Variants in CDC42BPA observed in about 807,000 individuals in gnomAD.
The protein encoded by CDC42BPA is CDC42 binding protein kinase alpha, also known as serine/threonine-protein kinase MRCK alpha.
CDC42BPA carries 80 observed loss-of-function variants against 223.5 expected under a neutral mutation model. The ratio of observed to expected loss-of-function variants is 0.36; its 90% CI spans 0.30 to 0.43. The LOEUF is 0.43. CDC42BPA is among the 20% of genes least tolerant of loss of function. The probability of loss-of-function intolerance (pLI) is 1.00; values close to 1 mark genes in which losing one functional copy is unlikely to be tolerated. For missense variants in CDC42BPA, 1,743 were observed against 2,099.9 expected (o/e 0.83, Z 3.32); for synonymous variants, 694 against 718.6 (o/e 0.97, Z 0.55).
At chr1:227,312,810 G>A (rs894199857) in intron 1 of CDC42BPA, among the ~76,000 whole-genome samples, 1 of 152,096 alleles carries the variant, frequency 6.6e-6, no homozygotes, top group Non-Finnish European at 1.5e-5. Flanking sequence ...GTGATAGTGA[G>A]TGAGTTCTCA....
intron 10 of CDC42BPA, among the ~76,000 whole-genome samples, chr1:227,136,048 T>C (rs1350498745): frequency 2.7e-5 from 4 of 149,116 alleles, no homozygotes; most frequent in Non-Finnish European, 5.9e-5. Flanking sequence ...CAGAAAAGCA[T>C]GACAAATGAA....
intron 16 of CDC42BPA, among the ~76,000 whole-genome samples, chr1:227,088,292 C>A (rs1473649035): frequency 6.6e-6 from 1 of 152,160 alleles, no homozygotes; most frequent in East Asian, 1.9e-4. Flanking sequence ...AGATGACCTG[C>A]ACATAGTAAA....
At position 227,160,634 on chromosome 1, in the gene CDC42BPA, T is replaced by C; in HGVS notation, c.602A>G (p.Asp201Gly). 6.6e-7 allele frequency: 1 copy of C among 1,512,640 alleles called. No homozygotes were observed. Among genetic ancestry groups the C allele is most frequent in the Non-Finnish European group, 9.0e-7 (1 of 1,107,020 alleles). 93.7% of individuals were successfully genotyped at this position (1,512,640 alleles called of 1,614,324 possible). A position where few individuals can be genotyped will look rare whatever the true frequency, so the allele number is the denominator to read the frequency against. ...SVHQLHYVHR[D>G]IKPDNILMDM... ...CATCAGTATATTGTCAGGTTTAATG[T>C]CTCTGAAAAAATAAATAAATTCAAT... is the stretch of plus-strand genomic sequence containing the variant. The change falls in exon 6 of 37, where the codon GAC becomes GGC. Residue 201 changes from aspartate (D) to glycine (G), a missense_variant and splice_region_variant. This residue lies in a region of CDC42BPA where 321 missense variants were observed against 488.7 expected (regional missense o/e 0.66). Coordinates refer to ENST00000366766, the MANE Select transcript of CDC42BPA (RefSeq NM_001394014.1).
intron 1 of CDC42BPA, among the ~76,000 whole-genome samples, chr1:227,279,708 T>C (rs1466973738): frequency 2.0e-5 from 3 of 152,168 alleles, no homozygotes; most frequent in Non-Finnish European, 4.4e-5. Context: ...TTTGTGGAGA[T>C]ACAGTTTTTT....
chr1:227,195,990 T>TG (rs1266821204), intron 4 of CDC42BPA, among the ~76,000 whole-genome samples: 1 of 152,106 alleles, frequency 6.6e-6, no homozygotes, highest in Non-Finnish European at 1.5e-5. Context: ...AATTAATACA[T>TG]GCTGAACCTC....
intron 11 of CDC42BPA, among the ~76,000 whole-genome samples, chr1:227,128,217 C>T (rs1234546555): frequency 6.6e-6 from 1 of 152,182 alleles, no homozygotes; most frequent in Non-Finnish European, 1.5e-5. Context: ...ACCGGCTAGT[C>T]CTTCTGCCTG....
chr1:227,169,255 G>T (rs562436582), intron 5 of CDC42BPA, among the ~76,000 whole-genome samples: 2 of 152,052 alleles, frequency 1.3e-5, no homozygotes, highest in South Asian at 4.2e-4. Context: ...TCTACATCTG[G>T]GTCATTTCAG....
chr1:227,259,140 TC>T (rs1419853846), intron 1 of CDC42BPA, among the ~76,000 whole-genome samples: 1 of 150,948 alleles, frequency 6.6e-6, no homozygotes, highest in Non-Finnish European at 1.5e-5. Flanking sequence ...GCCGCCTCCC[TC>T]CCTTTTTCTG....
At chr1:227,194,310 T>C (rs986863143) in intron 4 of CDC42BPA, among the ~76,000 whole-genome samples, 4 of 152,028 alleles carry the variant, frequency 2.6e-5, no homozygotes, top group African/African-American at 9.7e-5. Context: ...AAGAAAAAAC[T>C]TGGAATACAG....
At chr1:227,006,163 C>T (rs1035058135) in intron 34 of CDC42BPA, among the ~76,000 whole-genome samples, 7 of 151,930 alleles carry the variant, frequency 4.6e-5, no homozygotes, top group African/African-American at 1.5e-4. Flanking sequence ...TCTTCTGATG[C>T]AAATGGTCTG....
intron 3 of CDC42BPA, among the ~76,000 whole-genome samples, chr1:227,204,155 A>C (rs934036890): frequency 7.2e-5 from 11 of 152,200 alleles, no homozygotes; most frequent in Non-Finnish European, 1.5e-4. Context: ...TTCATTTTTA[A>C]AATCTAAATC....
At chr1:227,174,031 T>C (rs571353364) in intron 5 of CDC42BPA, among the ~76,000 whole-genome samples, 66 of 152,202 alleles carry the variant, frequency 4.3e-4, no homozygotes, top group Non-Finnish European at 8.2e-4. Flanking sequence ...TATTTAAAAA[T>C]TCCTAATTGT....
intron 21 of CDC42BPA, among the ~76,000 whole-genome samples, chr1:227,065,505 C>G (rs961737232): frequency 2.6e-5 from 4 of 152,194 alleles, no homozygotes; most frequent in Non-Finnish European, 4.4e-5. Flanking sequence ...CTTACACATA[C>G]AAGTATTGGC....
chr1:226,997,415 GA>G (rs1661866985), intron 35 of CDC42BPA, among the ~76,000 whole-genome samples: 1 of 152,086 alleles, frequency 6.6e-6, no homozygotes, highest in African/African-American at 2.4e-5. Context: ...TGGAATCACT[GA>G]TTTTTTGAAG....
intron 5 of CDC42BPA, among the ~76,000 whole-genome samples, chr1:227,163,437 G>A (rs1224545474): frequency 1.3e-5 from 2 of 152,064 alleles, no homozygotes; most frequent in Non-Finnish European, 2.9e-5. Flanking sequence ...TATAGATGTA[G>A]AAGTGAAATT....
intron 5 of CDC42BPA, among the ~76,000 whole-genome samples, chr1:227,166,438 G>T (rs1168853560): frequency 6.6e-6 from 1 of 152,106 alleles, no homozygotes; most frequent in Non-Finnish European, 1.5e-5. Context: ...CCATCTAGCT[G>T]GCCTGAATAT....
chr1:227,146,455 C>A (rs1431145992), intron 7 of CDC42BPA, among the ~76,000 whole-genome samples: 1 of 152,038 alleles, frequency 6.6e-6, no homozygotes, highest in Non-Finnish European at 1.5e-5. Context: ...AGAATATAAA[C>A]CCTATAAAAC....
intron 16 of CDC42BPA, among the ~76,000 whole-genome samples, chr1:227,085,279 CTGCAAACTTTTCCAGTAAAGAACCAGA>C (rs1681626276): frequency 6.6e-6 from 1 of 152,218 alleles, no homozygotes; most frequent in Non-Finnish European, 1.5e-5. Flanking sequence ...AGTCAAGGGT[CTGCAAACTTTTCCAGTAAAGAACCAGA>C]TGCAAGTATT....
At chr1:227,051,243 G>A (rs1673469661) in intron 22 of CDC42BPA, among the ~76,000 whole-genome samples, 1 of 152,170 alleles carries the variant, frequency 6.6e-6, no homozygotes, top group Admixed American at 6.6e-5. Flanking sequence ...GCTGAATGAA[G>A]AACCAGAGCT....
Sources: gnomAD v4.1 joint callset for allele counts (sites outside exome capture counted in the v4.1 genomes callset) on GRCh38, gnomAD v4.1.1 for gene constraint, gnomAD v4.1.1 regional missense constraint, MANE v1.5 for transcripts, NCBI Gene and HGNC (gene_info 2026-07-23, HGNC 2026-07-21) for gene names.